The following COL13A1 variants were observed in gnomAD, a reference collection of about 807,000 sequenced individuals.
COL13A1 encodes the protein collagen alpha-1(XIII) chain.
Under a neutral mutation model 130.9 loss-of-function variants are expected in COL13A1, and 89 were observed. The observed-to-expected ratio is 0.68, with a 90% CI of 0.57 to 0.81. The LOEUF is 0.81. Ranked by LOEUF, COL13A1 falls within the 30% of genes least tolerant of loss-of-function variation. The pLI, the probability that COL13A1 is intolerant of heterozygous loss-of-function variation, is 0.00. For synonymous variants in COL13A1, 402 were observed against 341.6 expected, an observed-to-expected ratio of 1.18 and a Z score of -1.95; for missense variants, 879 against 934.6, an observed-to-expected ratio of 0.94 and a Z score of 0.78.
chr10:69,848,954 T>A lies in COL13A1; in HGVS notation c.365-18844T>A, dbSNP rs144866285. Reference sequence around the variant, plus strand: ...GTGGTGCTGTCCCCATGGGATTTCCTGCCGCTGCCTCTGTACTCAGACACC... The same window carrying A: ...GTGGTGCTGTCCCCATGGGATTTCCAGCCGCTGCCTCTGTACTCAGACACC... On this transcript the variant is annotated intron_variant, in intron 2 of 40. Coordinates refer to ENST00000645393, the MANE Select transcript of COL13A1 (RefSeq NM_001368882.1). Among the ~76,000 whole-genome samples, 381 of 152,328 alleles carry A rather than the reference T, an allele frequency of 2.5e-3. 2 individuals carry two copies. The highest frequency in any genetic ancestry group is 8.8e-3 in the African/African-American group (364 of 41,576).
chr10:69,860,379 C>T (rs1048048381), intron 2 of COL13A1, among the ~76,000 whole-genome samples: 4 of 152,202 alleles, frequency 2.6e-5, no homozygotes, highest in African/African-American at 9.6e-5. Flanking sequence ...GACACAGCTC[C>T]AGTGTGCCAA....
chr10:69,896,843 G>A (rs949357916), intron 13 of COL13A1, among the ~76,000 whole-genome samples: 1 of 152,226 alleles, frequency 6.6e-6, no homozygotes, highest in Non-Finnish European at 1.5e-5. Flanking sequence ...GGGATGCAGG[G>A]GCCCTGCTGT....
At chr10:69,860,740 GC>G in intron 2 of COL13A1, 2 of 257,752 alleles carry the variant, frequency 7.8e-6, no homozygotes, top group Non-Finnish European at 7.7e-6. Context: ...ATTTTCCTGA[GC>G]CCCAGGCTGC....
chr10:69,905,805 G>A lies in COL13A1; in HGVS notation c.904G>A (p.Gly302Ser), dbSNP rs2062691683. The change falls in exon 17 of 41, where the codon GGC becomes AGC. Residue 302 changes from glycine (G) to serine (S), a missense_variant. Physicochemically the swap from Gly to Ser is moderately conservative, Grantham distance 56 (BLOSUM62 0). This residue lies in a region of COL13A1 where 715 missense variants were observed against 721.0 expected (regional missense o/e 0.99). Coordinates refer to ENST00000645393, the MANE Select transcript of COL13A1 (RefSeq NM_001368882.1). Reference sequence around the variant, plus strand: ...TTCCCAGGGAGACCCAGGGATCCAGGGCTACCACGGCCGGAAGGTAAGATG... The same window carrying A: ...TTCCCAGGGAGACCCAGGGATCCAGAGCTACCACGGCCGGAAGGTAAGATG... ...PGPKGDPGIQ[G>S]YHGRKGERGM... The A allele has an allele frequency of 3.7e-6, 6 of 1,613,760 alleles. No homozygotes were observed. The highest frequency in any genetic ancestry group is 4.2e-6 in the Non-Finnish European group (5 of 1,179,820).
chr10:69,826,255 C>G (rs1276918908), intron 2 of COL13A1, among the ~76,000 whole-genome samples: 1 of 152,146 alleles, frequency 6.6e-6, no homozygotes, highest in East Asian at 1.9e-4. Context: ...CAGGGTGGGG[C>G]AGGCAGTGTG....
In COL13A1 at chr10:69,880,735, C is replaced by T. The variant is rs1227783; in HGVS notation, c.513+182C>T. ...CCGATGTTGATGTTAAGGAAAGTGGCCTGGCTAAATATACCTAAATTACAG... is the reference window on the plus strand; with the variant it reads ...CCGATGTTGATGTTAAGGAAAGTGGTCTGGCTAAATATACCTAAATTACAG... On this transcript the variant is annotated intron_variant, in intron 7 of 40. Transcript: ENST00000645393. Among the ~76,000 whole-genome samples, 30,649 of 152,192 alleles carry T rather than the reference C, an allele frequency of 0.2. 3,440 individuals carry two copies. Among genetic ancestry groups the T allele is most frequent in the Non-Finnish European group, 0.26 (17,773 of 67,992 alleles).
At chr10:69,906,791 C>T (rs527673620) in intron 17 of COL13A1, among the ~76,000 whole-genome samples, 4 of 151,922 alleles carry the variant, frequency 2.6e-5, no homozygotes, top group African/African-American at 7.3e-5. Flanking sequence ...AGTGCAATGG[C>T]GTGATCTCGG....
At chr10:69,896,790 G>A (rs2061687603) in intron 13 of COL13A1, among the ~76,000 whole-genome samples, 1 of 152,236 alleles carries the variant, frequency 6.6e-6, no homozygotes, top group African/African-American at 2.4e-5. Flanking sequence ...CAGGCCAGCA[G>A]CAGCACAGTC....
At chr10:69,924,485 C>T (rs1049960278) in intron 24 of COL13A1, among the ~76,000 whole-genome samples, 1 of 152,068 alleles carries the variant, frequency 6.6e-6, no homozygotes, top group Non-Finnish European at 1.5e-5. Context: ...CTGAGACCCT[C>T]CTGGCCCTCC....
chr10:69,921,485 T>C (rs2064664443), intron 21 of COL13A1, among the ~76,000 whole-genome samples: 3 of 152,202 alleles, frequency 2.0e-5, no homozygotes, highest in African/African-American at 7.2e-5. Context: ...ATTAAGAATC[T>C]GAAGAACAGA....
chr10:69,816,304 T>A (rs1441464269), intron 1 of COL13A1, among the ~76,000 whole-genome samples: 1 of 149,300 alleles, frequency 6.7e-6, no homozygotes, highest in African/African-American at 2.5e-5. Flanking sequence ...ATGATAATTG[T>A]GAGGTTTTGA....
intron 17 of COL13A1, among the ~76,000 whole-genome samples, chr10:69,915,573 G>A (rs1441108399): frequency 2.6e-5 from 4 of 152,196 alleles, no homozygotes; most frequent in Non-Finnish European, 5.9e-5. Context: ...AGGATGCAGC[G>A]CTGAGTTATA....
At chr10:69,901,805 G>A (rs1229679447) in intron 14 of COL13A1, among the ~76,000 whole-genome samples, 1 of 152,188 alleles carries the variant, frequency 6.6e-6, no homozygotes, top group Non-Finnish European at 1.5e-5. Flanking sequence ...GGAGCATGAT[G>A]CCATCGCTAC....
intron 7 of COL13A1, among the ~76,000 whole-genome samples, 185 bp downstream of exon 7, chr10:69,880,738 G>A (rs2060052125): frequency 6.6e-6 from 1 of 152,238 alleles, no homozygotes; most frequent in African/African-American, 2.4e-5. Flanking sequence ...AAAGTGGCCT[G>A]GCTAAATATA....
chr10:69,856,122 T>A (rs1856382849), intron 2 of COL13A1, among the ~76,000 whole-genome samples: 1 of 152,234 alleles, frequency 6.6e-6, no homozygotes, highest in African/African-American at 2.4e-5. Context: ...TTCACAGGTT[T>A]TGTTTGGCCT....
In COL13A1 at chr10:69,919,085, C is replaced by T. The variant is rs1338902641; in HGVS notation, c.1023C>T (p.Thr341=). ...AGGGTGAGCCAGGGATCCCAGGAAC[C>T]AAGGTACTGATGCAGAGAGAATGTT... ...GMKGEPGIPG[T]KGDPGAEGKP... The change falls in exon 20 of 41, where the codon ACC becomes ACT. Residue 341 remains threonine (T), a synonymous_variant. Coordinates refer to ENST00000645393, the MANE Select transcript of COL13A1 (RefSeq NM_001368882.1). 1.9e-6 allele frequency: 3 copies of T among 1,614,018 alleles called. No homozygotes were observed. Among genetic ancestry groups the T allele is most frequent in the Non-Finnish European group, 1.7e-6 (2 of 1,179,882 alleles).
intron 23 of COL13A1, 60 bp downstream of exon 23, chr10:69,922,854 C>A (rs2064861875): frequency 8.2e-7 from 1 of 1,224,940 alleles, no homozygotes; most frequent in Non-Finnish European, 1.1e-6. Context: ...TGTCTTCAGC[C>A]TGTTCTCGGG....
chr10:69,942,460 T>C (rs2067777160), intron 35 of COL13A1, among the ~76,000 whole-genome samples: 1 of 152,132 alleles, frequency 6.6e-6, no homozygotes, highest in Admixed American at 6.5e-5. Context: ...ACCAAGACTT[T>C]CCTCTCAATG....
rs1359228145 is a variant in COL13A1, at chr10:69,918,282, C to T, written c.967-3C>T. 1 of 1,612,654 alleles carries T rather than the reference C, an allele frequency of 6.2e-7. No homozygotes were observed. On this transcript the variant is annotated splice_polypyrimidine_tract_variant and splice_region_variant and intron_variant, in intron 18 of 40. Coordinates refer to ENST00000645393, the MANE Select transcript of COL13A1 (RefSeq NM_001368882.1). The stretch of plus-strand genomic sequence containing the variant: ...CAGACCTTTTTTTTTCTCTCTCTGC[C>T]AGGGGGCGCCCGGAATTGCCGTGGC...
Sources: gnomAD v4.1 joint callset for allele counts (sites outside exome capture counted in the v4.1 genomes callset) on GRCh38, gnomAD v4.1.1 for gene constraint, gnomAD v4.1.1 regional missense constraint, MANE v1.5 for transcripts, NCBI Gene and HGNC (gene_info 2026-07-23, HGNC 2026-07-21) for gene names.